Variants in NEGR1 observed in about 807,000 individuals in gnomAD.
NEGR1 encodes neuronal growth regulator 1, also known as IgLON family member 4.
Under a neutral mutation model 40.9 loss-of-function variants are expected in NEGR1, and 10 were observed. The observed-to-expected ratio is 0.24, with a 90% CI of 0.15 to 0.42. The LOEUF is 0.42. Among genes scored for constraint, NEGR1 ranks in the 10% least tolerant of loss-of-function variants. NEGR1 has a pLI of 1.00. For synonymous variants in NEGR1, 185 were observed against 166.8 expected (o/e 1.11, Z -0.84); for missense variants, 352 against 438.9 (o/e 0.80, Z 1.77).
At chr1:72,271,838 T>C (rs957613124) in intron 1 of NEGR1, among the ~76,000 whole-genome samples, 1 of 151,798 alleles carries the variant, frequency 6.6e-6, no homozygotes, top group Non-Finnish European at 1.5e-5. Flanking sequence ...CTCATGATAA[T>C]GAATAAGTAT....
At chr1:71,632,325 T>C (rs1267030945) in intron 4 of NEGR1, among the ~76,000 whole-genome samples, 9 of 150,944 alleles carry the variant, frequency 6.0e-5, no homozygotes. Flanking sequence ...TTAAAAACAA[T>C]TAACTTGCCA....
chr1:71,606,784 C>A (rs1347166392), intron 5 of NEGR1, among the ~76,000 whole-genome samples: 3 of 139,214 alleles, frequency 2.2e-5, no homozygotes, highest in African/African-American at 7.9e-5. Flanking sequence ...ATATTTCTTT[C>A]TTTTCTTTAA....
intron 2 of NEGR1, among the ~76,000 whole-genome samples, chr1:71,895,853 T>C (rs1242608869): frequency 6.6e-6 from 1 of 152,180 alleles, no homozygotes; most frequent in African/African-American, 2.4e-5. Flanking sequence ...TGTGTGTTTT[T>C]GAGAATTTGG....
chr1:71,410,170 A>C (rs973550784), intron 6 of NEGR1, among the ~76,000 whole-genome samples: 1 of 152,138 alleles, frequency 6.6e-6, no homozygotes, highest in Non-Finnish European at 1.5e-5. Flanking sequence ...GCTTGTGAAT[A>C]TAATATTTAT....
intron 1 of NEGR1, among the ~76,000 whole-genome samples, chr1:72,154,551 C>A (rs1221540601): frequency 6.6e-6 from 1 of 151,918 alleles, no homozygotes; most frequent in Non-Finnish European, 1.5e-5. Flanking sequence ...TACGAACTCA[C>A]CAAATAGGAA....
At chr1:72,177,454 T>C (rs1433266017) in intron 1 of NEGR1, among the ~76,000 whole-genome samples, 1 of 152,090 alleles carries the variant, frequency 6.6e-6, no homozygotes, top group African/African-American at 2.4e-5. Context: ...TTTCTAATAA[T>C]TTATTATAAC....
At chr1:71,434,023 A>G (rs1204633846) in intron 6 of NEGR1, among the ~76,000 whole-genome samples, 1 of 152,220 alleles carries the variant, frequency 6.6e-6, no homozygotes, top group Non-Finnish European at 1.5e-5. Context: ...GGCTGGTCAA[A>G]TTGTGTTTAT....
intron 2 of NEGR1, among the ~76,000 whole-genome samples, chr1:71,905,458 A>C (rs1661250652): frequency 6.6e-6 from 1 of 151,982 alleles, no homozygotes; most frequent in African/African-American, 2.4e-5. Context: ...ACATCAAGAA[A>C]ATCATTATGT....
At chr1:71,431,397 A>G (rs530640523) in intron 6 of NEGR1, among the ~76,000 whole-genome samples, 2 of 152,322 alleles carry the variant, frequency 1.3e-5, no homozygotes, top group East Asian at 3.9e-4. Context: ...GCTCATCTGT[A>G]AGCCCTAAAA....
intron 6 of NEGR1, among the ~76,000 whole-genome samples, chr1:71,439,206 T>C (rs893746108): frequency 1.3e-5 from 2 of 152,164 alleles, no homozygotes; most frequent in African/African-American, 4.8e-5. Context: ...AGATTCTGAA[T>C]AGAGCTCTGT....
At chr1:71,741,745 A>G (rs1211063460) in intron 3 of NEGR1, among the ~76,000 whole-genome samples, 1 of 152,196 alleles carries the variant, frequency 6.6e-6, no homozygotes, top group Non-Finnish European at 1.5e-5. Flanking sequence ...CTGTAAAGGA[A>G]GCATGATGCT....
At chr1:72,239,259 C>A (rs1295048303) in intron 1 of NEGR1, among the ~76,000 whole-genome samples, 1 of 151,742 alleles carries the variant, frequency 6.6e-6, no homozygotes, top group Non-Finnish European at 1.5e-5. Context: ...TGCTTTATCC[C>A]TAAGTATATC....
intron 1 of NEGR1, among the ~76,000 whole-genome samples, chr1:72,209,878 T>C (rs568726127): frequency 6.6e-6 from 1 of 152,004 alleles, no homozygotes; most frequent in African/African-American, 2.4e-5. Context: ...CACTAAATAG[T>C]AATTATAGCT....
chr1:71,932,910 A>G (rs1291724100), intron 2 of NEGR1, among the ~76,000 whole-genome samples: 1 of 152,096 alleles, frequency 6.6e-6, no homozygotes, highest in Non-Finnish European at 1.5e-5. Context: ...TTTATTTAGT[A>G]CTTGAATTGA....
chr1:71,524,435 T>C (rs1434414399), intron 6 of NEGR1, among the ~76,000 whole-genome samples: 2 of 150,910 alleles, frequency 1.3e-5, no homozygotes, highest in Non-Finnish European at 3.0e-5. Context: ...ATGAAAATCA[T>C]TACCTTTTTA....
intron 2 of NEGR1, among the ~76,000 whole-genome samples, chr1:71,919,110 G>T (rs1570502122): frequency 6.6e-6 from 1 of 152,260 alleles, no homozygotes; most frequent in Admixed American, 6.5e-5. Context: ...CATTTCTACA[G>T]GATCCACAGT....
At chr1:71,593,020 A>AT (rs760666314) in intron 5 of NEGR1, 52 bp from the exon 6 acceptor site, 13 of 1,378,020 alleles carry the variant, frequency 9.4e-6, no homozygotes, top group Admixed American at 1.8e-5. Flanking sequence ...TACCAGTTTC[A>AT]TTTTTTTATC....
At chr1:71,997,706 T>G (rs1367213220) in intron 1 of NEGR1, among the ~76,000 whole-genome samples, 3 of 151,966 alleles carry the variant, frequency 2.0e-5, no homozygotes, top group Non-Finnish European at 2.9e-5. Flanking sequence ...AAAAATAATC[T>G]GACATCCAAA....
intron 1 of NEGR1, among the ~76,000 whole-genome samples, chr1:72,114,568 G>A (rs1387388601): frequency 6.6e-6 from 1 of 151,728 alleles, no homozygotes; most frequent in Admixed American, 6.6e-5. Context: ...AAAGATATTT[G>A]TTTCTGTTTC....
Sources: allele counts gnomAD v4.1 joint callset (sites outside exome capture counted in the v4.1 genomes callset), GRCh38; gene constraint gnomAD v4.1.1; transcripts MANE v1.5; gene names NCBI Gene and HGNC (gene_info 2026-07-23, HGNC 2026-07-21).